The following AOAH variants were observed in gnomAD, a reference collection of about 807,000 sequenced individuals.
AOAH encodes the protein acyloxyacyl hydrolase (neutrophil).
In AOAH, 64 loss-of-function variants were observed where a neutral mutation model predicts 92.2. The ratio of observed to expected loss-of-function variants is 0.69; its 90% CI spans 0.57 to 0.86. AOAH has a LOEUF of 0.86. Ranked by LOEUF, AOAH falls within the 40% of genes least tolerant of loss-of-function variation. The probability of loss-of-function intolerance (pLI) is 0.00; values close to 1 mark genes in which losing one functional copy is unlikely to be tolerated. For synonymous variants in AOAH, 263 were observed against 254.5 expected (o/e 1.03, Z -0.32); for missense variants, 656 against 694.6 (o/e 0.94, Z 0.62).
At chr7:36,716,694 A>G (rs1799200229) in intron 1 of AOAH, among the ~76,000 whole-genome samples, 1 of 149,892 alleles carries the variant, frequency 6.7e-6, no homozygotes. Context: ...GAAGCTGGAA[A>G]CCATCATCCT....
intron 16 of AOAH, among the ~76,000 whole-genome samples, chr7:36,537,052 C>T (rs1785112779): frequency 6.7e-6 from 1 of 149,800 alleles, no homozygotes; most frequent in South Asian, 2.1e-4. Flanking sequence ...TCAAAGGAGG[C>T]CTGGGGATGC....
intron 13 of AOAH, among the ~76,000 whole-genome samples, chr7:36,554,924 CT>C (rs1332663770): frequency 4.8e-5 from 7 of 144,636 alleles, no homozygotes; most frequent in Non-Finnish European, 9.1e-5. Flanking sequence ...ATCATGTCGT[CT>C]GCAAACAGGG....
At chr7:36,515,965 G>C (rs1282892048) in intron 20 of AOAH, among the ~76,000 whole-genome samples, 8 of 110,494 alleles carry the variant, frequency 7.2e-5, no homozygotes, top group Non-Finnish European at 1.3e-4. Flanking sequence ...AGCACACACA[G>C]AAACACTACA....
intron 13 of AOAH, among the ~76,000 whole-genome samples, chr7:36,552,146 G>T (rs1786308705): frequency 6.6e-6 from 1 of 152,064 alleles, no homozygotes; most frequent in Non-Finnish European, 1.5e-5. Flanking sequence ...CCATCACCTA[G>T]GTATTAAGCC....
At chr7:36,619,226 T>G (rs749730683) in intron 9 of AOAH, among the ~76,000 whole-genome samples, 3 of 152,178 alleles carry the variant, frequency 2.0e-5, no homozygotes, top group Non-Finnish European at 4.4e-5. Flanking sequence ...TGGGCAAGAT[T>G]GGACTTCATG....
chr7:36,714,739 T>C (rs1226124218), intron 1 of AOAH, among the ~76,000 whole-genome samples: 5 of 152,186 alleles, frequency 3.3e-5, no homozygotes, highest in Admixed American at 3.3e-4. Context: ...CATGATTATC[T>C]CAATAGATGC....
At chr7:36,603,339 T>C (rs1790740192) in intron 11 of AOAH, among the ~76,000 whole-genome samples, 1 of 152,118 alleles carries the variant, frequency 6.6e-6, no homozygotes, top group African/African-American at 2.4e-5. Context: ...CCTCCAGGTC[T>C]CACCACAAGC....
intron 5 of AOAH, among the ~76,000 whole-genome samples, chr7:36,636,870 C>T (rs1793560999): frequency 6.6e-6 from 1 of 152,174 alleles, no homozygotes; most frequent in Admixed American, 6.5e-5. Context: ...AGGGATTTTC[C>T]TCCCTTTTAT....
intron 13 of AOAH, among the ~76,000 whole-genome samples, chr7:36,573,837 C>A (rs955552278): frequency 3.9e-5 from 6 of 152,182 alleles, no homozygotes; most frequent in African/African-American, 7.2e-5. Context: ...TTCTTTAATT[C>A]TTACTACCCA....
intron 10 of AOAH, among the ~76,000 whole-genome samples, chr7:36,616,939 A>T (rs1791935504): frequency 6.6e-6 from 1 of 152,200 alleles, no homozygotes; most frequent in South Asian, 2.1e-4. Flanking sequence ...AAAACACTGG[A>T]TAGATGATTC....
chr7:36,704,581 C>T (rs1798267501), intron 1 of AOAH, among the ~76,000 whole-genome samples: 2 of 152,136 alleles, frequency 1.3e-5, no homozygotes, highest in Admixed American at 6.6e-5. Context: ...GGAGCTGGTA[C>T]CATTCCTTCT....
intron 5 of AOAH, among the ~76,000 whole-genome samples, chr7:36,636,497 T>G (rs1793534802): frequency 6.6e-6 from 1 of 152,236 alleles, no homozygotes; most frequent in African/African-American, 2.4e-5. Flanking sequence ...CCATTTCTGC[T>G]CAGAGTTCTG....
In AOAH at chr7:36,522,083, G is replaced by T. The variant is rs1784133208; in HGVS notation, c.1555C>A (p.Pro519Thr). The T allele has an allele frequency of 1.2e-6, 2 of 1,614,202 alleles. No individual in the cohort carries two copies. Among genetic ancestry groups the T allele is most frequent in the Non-Finnish European group, 1.7e-6 (2 of 1,180,024 alleles). Residue 519 changes from proline to threonine, a missense_variant, in exon 20 of 21, where the codon CCC (proline) becomes ACC (threonine). Physicochemically the swap from Pro to Thr is conservative, Grantham distance 38. Transcript: ENST00000617537. The stretch of plus-strand genomic sequence containing the variant: ...TCCACGGGCTCGATGAGCTGCCAGG[G>T]CTGTCCGCCTCTCTTCTGCCACTCC... Reference protein sequence around the residue: ...IQEWQKRGGQPWQLIEPVDGF... With the variant: ...IQEWQKRGGQTWQLIEPVDGF...
chr7:36,575,496 C>T (rs1399685691), intron 13 of AOAH, among the ~76,000 whole-genome samples: 3 of 152,140 alleles, frequency 2.0e-5, no homozygotes, highest in Non-Finnish European at 2.9e-5. Flanking sequence ...ATTTTTCCTT[C>T]CTTTTCCCTC....
intron 11 of AOAH, among the ~76,000 whole-genome samples, chr7:36,603,956 A>G (rs1263446360): frequency 6.6e-6 from 1 of 152,176 alleles, no homozygotes. Flanking sequence ...TTATAGTGTA[A>G]TTTATAAACA....
chr7:36,706,598 C>T (rs1313257312), intron 1 of AOAH, among the ~76,000 whole-genome samples: 3 of 152,152 alleles, frequency 2.0e-5, no homozygotes, highest in Admixed American at 1.3e-4. Flanking sequence ...TTGACTTCTC[C>T]TCTCTAGCTA....
chr7:36,684,007 A>G (rs1796813158), intron 2 of AOAH, among the ~76,000 whole-genome samples: 1 of 152,158 alleles, frequency 6.6e-6, no homozygotes, highest in Non-Finnish European at 1.5e-5. Context: ...AAGAAAAAAA[A>G]AAAGAGTGGC....
At chr7:36,659,913 A>G (rs1795112528) in intron 3 of AOAH, among the ~76,000 whole-genome samples, 2 of 152,130 alleles carry the variant, frequency 1.3e-5, no homozygotes, top group Non-Finnish European at 2.9e-5. Flanking sequence ...CAAAGAAGTA[A>G]AACAGCCAGT....
chr7:36,711,683 A>C (rs1235162760), intron 1 of AOAH, among the ~76,000 whole-genome samples: 1 of 152,200 alleles, frequency 6.6e-6, no homozygotes, highest in Non-Finnish European at 1.5e-5. Context: ...GCACGTGCAG[A>C]GGGCAGTAGC....
Sources: allele counts gnomAD v4.1 joint callset (sites outside exome capture counted in the v4.1 genomes callset), GRCh38; gene constraint gnomAD v4.1.1; transcripts MANE v1.5; gene names NCBI Gene and HGNC (gene_info 2026-07-23, HGNC 2026-07-21).